Variants in FARP1 observed in about 807,000 individuals in gnomAD.
FARP1 encodes the protein FERM, ARH/RhoGEF and pleckstrin domain protein 1, also known as FERM, ARHGEF and pleckstrin domain-containing protein 1.
Under a neutral mutation model 128.8 loss-of-function variants are expected in FARP1, and 52 were observed. The ratio of observed to expected loss-of-function variants is 0.40; its 90% CI spans 0.32 to 0.51. FARP1 has a LOEUF of 0.51. FARP1 is among the 20% of genes least tolerant of loss of function. The probability of loss-of-function intolerance (pLI) is 0.45; values close to 1 mark genes in which losing one functional copy is unlikely to be tolerated. For synonymous variants in FARP1, 580 were observed against 551.8 expected, an observed-to-expected ratio of 1.05 and a Z score of -0.72; for missense variants, 1,333 against 1,367.9, an observed-to-expected ratio of 0.97 and a Z score of 0.40.
intron 2 of FARP1, chr13:98,245,230 A>G (rs1882992901): frequency 1.3e-5 from 13 of 985,406 alleles, no homozygotes; most frequent in Non-Finnish European, 1.4e-5. Flanking sequence ...ATTTTTGTGT[A>G]ACTTTTTTAT....
chr13:98,454,210 T>G lies in FARP1; in HGVS notation c.*5893T>G, dbSNP rs1419913533. On this transcript the variant is annotated 3_prime_UTR_variant, in exon 27 of 27. Transcript: ENST00000319562. Reference sequence around the variant, plus strand: ...CAACAGAAGGCAATGCACCCAAAGATGCTGATGAGATTTGGGCTACAGTGG... The same window carrying G: ...CAACAGAAGGCAATGCACCCAAAGAGGCTGATGAGATTTGGGCTACAGTGG... 1 of 152,250 alleles carries G rather than the reference T, an allele frequency of 6.6e-6. No individual in the cohort carries two copies. The highest frequency in any genetic ancestry group is 6.5e-5 in the Admixed American group (1 of 15,284). The allele number at this position is 152,250 out of a possible 1,614,324, so 9.4% of individuals were successfully genotyped here. A position where few individuals can be genotyped will look rare whatever the true frequency, so the allele number is the denominator to read the frequency against.
At chr13:98,198,034 G>T (rs556162853) in intron 1 of FARP1, among the ~76,000 whole-genome samples, 1 of 152,282 alleles carries the variant, frequency 6.6e-6, no homozygotes, top group African/African-American at 2.4e-5. Flanking sequence ...ATACCCATTG[G>T]TGTTTATTTC....
chr13:98,431,537 C>T lies in FARP1; in HGVS notation c.2143+257C>T, dbSNP rs189666249. ...AGTGCAATGGTGCGATCTCGGCTCA[C>T]TGCAACCTCCACCTCCCGGGTTCAA... On this transcript the variant is annotated intron_variant, in intron 18 of 26. Transcript: ENST00000319562. 177 of 294,594 alleles carry T rather than the reference C, an allele frequency of 6.0e-4. 1 individual carries two copies. Among genetic ancestry groups the T allele is most frequent in the Non-Finnish European group, 9.8e-4 (155 of 157,574 alleles). The allele number at this position is 294,594 out of a possible 1,614,324, so 18.2% of individuals were successfully genotyped here.
chr13:98,264,451 G>A (rs1006357699), intron 2 of FARP1, among the ~76,000 whole-genome samples: 34 of 152,130 alleles, frequency 2.2e-4, no homozygotes, highest in African/African-American at 8.0e-4. Flanking sequence ...CTCCCCGTCC[G>A]CCAGTCACTC....
rs560947766 is a variant in FARP1 at position 98,174,368 on chromosome 13, T to A, written c.-24+30876T>A. 3.9e-5 allele frequency among the ~76,000 whole-genome samples: 6 copies of A among 152,342 alleles called. No individual in the cohort carries two copies. In the South Asian group the frequency reaches 1.2e-3, roughly 32 times the overall value. ...TCCAGTGTCTAGGAAGGGACATACA[T>A]GAAGCATTGTAAAGAAACTCGAGTG... On this transcript the variant is annotated intron_variant, in intron 1 of 26. Transcript: ENST00000319562.
intron 2 of FARP1, among the ~76,000 whole-genome samples, chr13:98,319,635 C>T (rs1886904180): frequency 6.6e-6 from 1 of 152,198 alleles, no homozygotes; most frequent in African/African-American, 2.4e-5. Flanking sequence ...AGAATGAGTT[C>T]ACAGCCTCCA....
rs139826731 is a variant in FARP1 at position 98,201,066 on chromosome 13, A to G, written c.-23-12154A>G. 1.1e-4 allele frequency among the ~76,000 whole-genome samples: 17 copies of G among 152,298 alleles called. No individual in the cohort carries two copies. The East Asian group carries it at 3.3e-3, about 29-fold the overall frequency. On this transcript the variant is annotated intron_variant, in intron 1 of 26. Transcript: ENST00000319562. ...AATTCTCTTCTAGCTCTTTTGAAATAGATAACACATTATTGTTAACTATAA... is the reference window on the plus strand; with the variant it reads ...AATTCTCTTCTAGCTCTTTTGAAATGGATAACACATTATTGTTAACTATAA...
At chr13:98,177,217 G>A (rs778672395) in intron 1 of FARP1, 22 of 1,563,858 alleles carry the variant, frequency 1.4e-5, no homozygotes, top group South Asian at 1.1e-4. Flanking sequence ...CGTCCTTCCT[G>A]GAGAAGGTGG....
At chr13:98,276,657 A>G (rs1488903693) in intron 2 of FARP1, among the ~76,000 whole-genome samples, 1 of 152,250 alleles carries the variant, frequency 6.6e-6, no homozygotes, top group African/African-American at 2.4e-5. Flanking sequence ...TCTTCTTGGT[A>G]TTCAAAAGTT....
chr13:98,233,501 G>C (rs1415153424), intron 2 of FARP1: 1 of 152,200 alleles, frequency 6.6e-6, no homozygotes, highest in African/African-American at 2.4e-5. Context: ...ACACTCATTA[G>C]ATAGACAAGC....
chr13:98,259,180 C>T (rs1883754901), intron 2 of FARP1, among the ~76,000 whole-genome samples: 1 of 152,030 alleles, frequency 6.6e-6, no homozygotes, highest in Non-Finnish European at 1.5e-5. Flanking sequence ...CACTGCATGC[C>T]ACTGTCACCC....
In FARP1 at chr13:98,313,494, C is replaced by A. The variant is rs553395155; in HGVS notation, c.172-30268C>A. 5.3e-5 allele frequency among the ~76,000 whole-genome samples: 8 copies of A among 152,316 alleles called. No individual in the cohort carries two copies. In the South Asian group the frequency reaches 1.7e-3, roughly 32 times the overall value. On this transcript the variant is annotated intron_variant, in intron 2 of 26. Coordinates refer to ENST00000319562, the MANE Select transcript of FARP1 (RefSeq NM_005766.4). ...TTCTCCCAGAACCTTCAGGAGGAACCGGCCCTGCTAATGCCTTGACCTTGG... is the reference window on the plus strand; with the variant it reads ...TTCTCCCAGAACCTTCAGGAGGAACAGGCCCTGCTAATGCCTTGACCTTGG...
chr13:98,300,969 T>A (rs1320524332), intron 2 of FARP1, among the ~76,000 whole-genome samples: 1 of 152,136 alleles, frequency 6.6e-6, no homozygotes, highest in Non-Finnish European at 1.5e-5. Context: ...CTGGAATTGG[T>A]GATCCTGTTG....
chr13:98,256,969 A>ATATG (rs1883643951), intron 2 of FARP1, among the ~76,000 whole-genome samples: 1 of 137,700 alleles, frequency 7.3e-6, no homozygotes. Context: ...ATATATATAT[A>ATATG]TATATATATA....
At chr13:98,395,656 C>A in intron 13 of FARP1, 180 bp downstream of exon 13, 1 of 734,770 alleles carries the variant, frequency 1.4e-6, no homozygotes, top group Non-Finnish European at 2.1e-6. Flanking sequence ...TGTCTATCTG[C>A]TGTCCAGGGA....
chr13:98,445,673 T>C, intron 24 of FARP1: 1 of 154,414 alleles, frequency 6.5e-6, no homozygotes, highest in Non-Finnish European at 1.4e-5. Flanking sequence ...CGCCCCCATT[T>C]CTGCCTCGGT....
At chr13:98,179,360 C>G (rs1440722968) in intron 1 of FARP1, among the ~76,000 whole-genome samples, 3 of 152,206 alleles carry the variant, frequency 2.0e-5, no homozygotes, top group Non-Finnish European at 4.4e-5. Context: ...TCCCACAACA[C>G]AAGAGAATTT....
At chr13:98,304,222 A>G (rs1316976324) in intron 2 of FARP1, among the ~76,000 whole-genome samples, 4 of 152,048 alleles carry the variant, frequency 2.6e-5, no homozygotes, top group Admixed American at 6.5e-5. Context: ...AGACCTGCAT[A>G]TGGAAGCCAG....
At chr13:98,216,130 C>G (rs902204130) in intron 2 of FARP1, among the ~76,000 whole-genome samples, 12 of 152,184 alleles carry the variant, frequency 7.9e-5, no homozygotes, top group African/African-American at 2.9e-4. Context: ...TTTCTCTTAA[C>G]CTCTGGGAAA....
Sources: gnomAD v4.1 joint callset for allele counts (sites outside exome capture counted in the v4.1 genomes callset) on GRCh38, gnomAD v4.1.1 for gene constraint, MANE v1.5 for transcripts, NCBI Gene and HGNC (gene_info 2026-07-23, HGNC 2026-07-21) for gene names.